EFHC1: variants seen among roughly 807,000 people sequenced by gnomAD.
EFHC1 encodes the protein EF-hand domain containing 1.
Under a neutral mutation model 69.9 loss-of-function variants are expected in EFHC1, and 53 were observed. The observed-to-expected ratio is 0.76, with a 90% CI of 0.61 to 0.95. EFHC1 has a LOEUF of 0.95. Ranked by LOEUF, EFHC1 falls within the 40% of genes least tolerant of loss-of-function variation. EFHC1 has a pLI of 0.00. For missense variants in EFHC1, 739 were observed against 798.7 expected, an observed-to-expected ratio of 0.93 and a Z score of 0.90; for synonymous variants, 256 against 278.4, an observed-to-expected ratio of 0.92 and a Z score of 0.80.
At chr6:52,428,445 G>A (rs547451894) in intron 2 of EFHC1, among the ~76,000 whole-genome samples, 3 of 152,058 alleles carry the variant, frequency 2.0e-5, no homozygotes, top group Admixed American at 2.0e-4. Flanking sequence ...ACAATGTTTG[G>A]TTTTCTATTC....
At chr6:52,471,766 G>A (rs1765440425) in intron 7 of EFHC1, among the ~76,000 whole-genome samples, 1 of 152,124 alleles carries the variant, frequency 6.6e-6, no homozygotes, top group Admixed American at 6.5e-5. Context: ...TACTCAGGAG[G>A]CTGAGATATG....
At chr6:52,476,069 A>G (rs766206431) in intron 7 of EFHC1, among the ~76,000 whole-genome samples, 4 of 152,054 alleles carry the variant, frequency 2.6e-5, no homozygotes, top group Non-Finnish European at 5.9e-5. Flanking sequence ...GTGTGCAGTG[A>G]ATGGAGGGCA....
intron 4 of EFHC1, chr6:52,453,437 G>A (rs1764963367): frequency 1.6e-6 from 2 of 1,287,062 alleles, no homozygotes; most frequent in East Asian, 5.5e-5. Context: ...AGAAAGAAAA[G>A]GAAGAGATCA....
chr6:52,485,836 G>A (rs527747560), intron 9 of EFHC1: 3 of 152,128 alleles, frequency 2.0e-5, no homozygotes, highest in Non-Finnish European at 4.4e-5. Context: ...AAATAAGCCT[G>A]CTTTTCTTTT....
At chr6:52,486,709 CT>C (rs1391713904) in intron 9 of EFHC1, 1 of 152,204 alleles carries the variant, frequency 6.6e-6, no homozygotes, top group Non-Finnish European at 1.5e-5. Context: ...CTCTTCTTCT[CT>C]TTACCTTCTT....
intron 2 of EFHC1, chr6:52,437,508 C>A (rs1230674935): frequency 6.6e-6 from 1 of 152,200 alleles, no homozygotes; most frequent in African/African-American, 2.4e-5. Context: ...TAGTCTGCCA[C>A]AACAAAATAC....
rs1766038685 is a variant in EFHC1, at chr6:52,495,660, C to G, written c.*3319C>G. 2.2e-6 allele frequency: 1 copy of G among 445,746 alleles called. No individual in the cohort carries two copies. The highest frequency in any genetic ancestry group is 2.0e-5 in the African/African-American group (1 of 49,680). 27.6% of individuals were successfully genotyped at this position (445,746 alleles called of 1,614,324 possible). A position where few individuals can be genotyped will look rare whatever the true frequency, so the allele number is the denominator to read the frequency against. ...CTGGAATGCGGTGGTGTGACCATAG[C>G]TCACTGCAGCCTCAAACTCCTGGGC... is the stretch of plus-strand genomic sequence containing the variant. On this transcript the variant is annotated 3_prime_UTR_variant, in exon 11 of 11. Transcript: ENST00000371068.
intron 1 of EFHC1, chr6:52,423,665 T>TTTTTTTC: frequency 3.6e-5 from 16 of 448,198 alleles, no homozygotes; most frequent in South Asian, 3.4e-4. Flanking sequence ...TAATTTTTTT[T>TTTTTTTC]TTTTTTTTTT....
At chr6:52,483,868 G>A (rs1291045400) in intron 9 of EFHC1, 1 of 152,274 alleles carries the variant, frequency 6.6e-6, no homozygotes, top group African/African-American at 2.4e-5. Flanking sequence ...AATGGGAAGA[G>A]GGGGAGAACC....
chr6:52,469,568 A>T (rs1765389976), intron 7 of EFHC1, 95 bp downstream of exon 7: 1 of 1,566,280 alleles, frequency 6.4e-7, no homozygotes, highest in Admixed American at 1.7e-5. Context: ...AACAGCTGTC[A>T]GAGTTATGTG....
At chr6:52,444,171 G>A (rs1220224106) in intron 3 of EFHC1, among the ~76,000 whole-genome samples, 1 of 152,212 alleles carries the variant, frequency 6.6e-6, no homozygotes, top group African/African-American at 2.4e-5. Flanking sequence ...TTGCTTATCA[G>A]CTTAAGGAGA....
At chr6:52,431,306 T>A (rs535163404) in intron 2 of EFHC1, among the ~76,000 whole-genome samples, 1 of 152,140 alleles carries the variant, frequency 6.6e-6, no homozygotes, top group Non-Finnish European at 1.5e-5. Context: ...TGTCTGTTAG[T>A]GCTCTTTCAG....
At position 52,490,639 on chromosome 6, in the gene EFHC1, G is replaced by A. The variant is rs116036788; in HGVS notation, c.1851+289G>A. Reference sequence around the variant, plus strand: ...GAAGGGCAACAGAGACGATCCAGGAGGGGTGGCTACCAAGGGGAGACTCAA... The same window carrying A: ...GAAGGGCAACAGAGACGATCCAGGAAGGGTGGCTACCAAGGGGAGACTCAA... On this transcript the variant is annotated intron_variant, in intron 10 of 10. Coordinates refer to ENST00000371068, the MANE Select transcript of EFHC1 (RefSeq NM_018100.4). The A allele has an allele frequency of 1.1e-3, 616 of 577,854 alleles. 5 individuals carry two copies. The highest frequency in any genetic ancestry group is 0.01 in the African/African-American group (548 of 53,652). 35.8% of individuals were successfully genotyped at this position (577,854 alleles called of 1,614,324 possible).
chr6:52,446,773 C>T (rs1342481457), intron 3 of EFHC1, among the ~76,000 whole-genome samples: 2 of 152,144 alleles, frequency 1.3e-5, no homozygotes, highest in Non-Finnish European at 2.9e-5. Context: ...CAAAATCTGT[C>T]AGCATTTGTT....
At chr6:52,470,166 A>G (rs1443809146) in intron 7 of EFHC1, among the ~76,000 whole-genome samples, 3 of 152,206 alleles carry the variant, frequency 2.0e-5, no homozygotes, top group Admixed American at 1.3e-4. Context: ...TTTTCAAACT[A>G]TATACATGTA....
At chr6:52,429,548 CTA>C (rs1362385079) in intron 2 of EFHC1, among the ~76,000 whole-genome samples, 1 of 152,086 alleles carries the variant, frequency 6.6e-6, no homozygotes, top group East Asian at 1.9e-4. Context: ...TTCCATTGGT[CTA>C]TGTGCCTATT....
At chr6:52,478,978 T>C (rs995801254) in intron 7 of EFHC1, 59 bp from the exon 8 acceptor site, 3 of 1,539,566 alleles carry the variant, frequency 1.9e-6, no homozygotes, top group African/African-American at 2.7e-5. Flanking sequence ...GGCATTTAAG[T>C]TGGCACATCT....
In EFHC1 at chr6:52,493,057, TA is replaced by T. The variant is rs762174180; in HGVS notation, c.*721del. On this transcript the variant is annotated 3_prime_UTR_variant, in exon 11 of 11. Coordinates refer to ENST00000371068, the MANE Select transcript of EFHC1 (RefSeq NM_018100.4). ...CAATCATTTGAAGACATGAGTAGAATAAAAAGGCTGACCTTTCCCCAGGTAA... is the reference window on the plus strand; with the variant it reads ...CAATCATTTGAAGACATGAGTAGAATAAAAGGCTGACCTTTCCCCAGGTAA... The T allele has an allele frequency of 6.6e-6, 3 of 454,064 alleles. No individual in the cohort carries two copies. The highest frequency in any genetic ancestry group is 4.7e-5 in the South Asian group (3 of 64,468). The allele number at this position is 454,064 out of a possible 1,614,324, so 28.1% of individuals were successfully genotyped here. A position where few individuals can be genotyped will look rare whatever the true frequency, so the allele number is the denominator to read the frequency against.
rs139503612 is a variant in EFHC1 at position 52,441,764 on chromosome 6, C to G, written c.573+3173C>G. 8.0e-4 allele frequency among the ~76,000 whole-genome samples: 121 copies of G among 152,180 alleles called. 2 individuals carry two copies. In the East Asian group the frequency reaches 0.021, roughly 26 times the overall value. ...ATGTTTTTTCATTTGCTTGTGTTAT[C>G]TCTGATTTCCTTAAGCAGTGTTTTG... On this transcript the variant is annotated intron_variant, in intron 3 of 10. Coordinates refer to ENST00000371068, the MANE Select transcript of EFHC1 (RefSeq NM_018100.4).
Sources: gnomAD v4.1 joint callset for allele counts (sites outside exome capture counted in the v4.1 genomes callset) on GRCh38, gnomAD v4.1.1 for gene constraint, MANE v1.5 for transcripts, NCBI Gene and HGNC (gene_info 2026-07-23, HGNC 2026-07-21) for gene names.